Variants in SLC49A4 observed in about 807,000 individuals in gnomAD.
SLC49A4 encodes disrupted in renal cancer protein 2.
SLC49A4 carries 36 observed loss-of-function variants against 50.6 expected under a neutral mutation model. The ratio of observed to expected loss-of-function variants is 0.71; its 90% CI spans 0.55 to 0.94. SLC49A4 has a LOEUF of 0.94. Ranked by LOEUF, SLC49A4 falls within the 40% of genes least tolerant of loss-of-function variation. The pLI, the probability that SLC49A4 is intolerant of heterozygous loss-of-function variation, is 0.00. For synonymous variants in SLC49A4, 248 were observed against 241.2 expected, an observed-to-expected ratio of 1.03 and a Z score of -0.26; for missense variants, 503 against 605.7, an observed-to-expected ratio of 0.83 and a Z score of 1.78.
At chr3:122,804,051 T>C (rs555205073) in intron 1 of SLC49A4, among the ~76,000 whole-genome samples, 2 of 152,224 alleles carry the variant, frequency 1.3e-5, no homozygotes, top group Non-Finnish European at 2.9e-5. Context: ...GGCTGGGTAA[T>C]GTGTAAAGAA....
In SLC49A4 at chr3:122,795,158, G is replaced by A; in HGVS notation, c.-35G>A. The A allele has an allele frequency of 3.0e-6, 4 of 1,311,532 alleles. No individual in the cohort carries two copies. Among genetic ancestry groups the A allele is most frequent in the Non-Finnish European group, 3.8e-6 (4 of 1,039,402 alleles). 81.2% of individuals were successfully genotyped at this position (1,311,532 alleles called of 1,614,324 possible). On this transcript the variant is annotated 5_prime_UTR_variant, in exon 1 of 9. Coordinates refer to ENST00000261038, the MANE Select transcript of SLC49A4 (RefSeq NM_032839.3). Reference sequence around the variant, plus strand: ...GGGCTAGTCGGCGGTGACCCGGACTGCGCCCGGCAGTGGCTTCGCGGGCGA... The same window carrying A: ...GGGCTAGTCGGCGGTGACCCGGACTACGCCCGGCAGTGGCTTCGCGGGCGA...
Position 122,879,728 on chromosome 3 carries a change from G to T in SLC49A4, c.*350G>T, listed in dbSNP as rs1937309993. 1 of 167,804 alleles carries T rather than the reference G, an allele frequency of 6.0e-6. No homozygotes were observed. The highest frequency in any genetic ancestry group is 1.8e-4 in the South Asian group (1 of 5,640). The allele number at this position is 167,804 out of a possible 1,614,324, so 10.4% of individuals were successfully genotyped here. On this transcript the variant is annotated 3_prime_UTR_variant, in exon 9 of 9. Coordinates refer to ENST00000261038, the MANE Select transcript of SLC49A4 (RefSeq NM_032839.3). Reference sequence around the variant, plus strand: ...TTGTAATTATGAAAAGAAATAAAGGGTGTCTATCATATGAAGATAACGCCT... The same window carrying T: ...TTGTAATTATGAAAAGAAATAAAGGTTGTCTATCATATGAAGATAACGCCT...
At chr3:122,828,621 C>T (rs1255585711) in intron 3 of SLC49A4, among the ~76,000 whole-genome samples, 1 of 152,088 alleles carries the variant, frequency 6.6e-6, no homozygotes, top group Non-Finnish European at 1.5e-5. Flanking sequence ...AGGCAAAGGC[C>T]ACACTCTGAA....
chr3:122,870,017 C>T lies in SLC49A4; in HGVS notation c.1139-2398C>T, dbSNP rs1937177940. 2.0e-5 allele frequency among the ~76,000 whole-genome samples: 3 copies of T among 151,992 alleles called. No individual in the cohort carries two copies. The South Asian group carries it at 6.2e-4, about 32-fold the overall frequency. On this transcript the variant is annotated intron_variant, in intron 7 of 8. Transcript: ENST00000261038. ...CCCTTTCAGTGTGTTATTATATTTT[C>T]ATTATTTTATCACATAGAATTATTC...
intron 8 of SLC49A4, among the ~76,000 whole-genome samples, chr3:122,874,327 G>A (rs1560244734): frequency 6.6e-6 from 1 of 152,176 alleles, no homozygotes; most frequent in Non-Finnish European, 1.5e-5. Flanking sequence ...TGGAACCGAC[G>A]TCAGTCAGTG....
chr3:122,817,286 CAG>C (rs1936382525), intron 2 of SLC49A4, among the ~76,000 whole-genome samples: 3 of 152,094 alleles, frequency 2.0e-5, no homozygotes, highest in South Asian at 4.2e-4. Context: ...CCTTTGAAAA[CAG>C]AGGAAGAGGG....
chr3:122,795,092 C>T lies in SLC49A4; in HGVS notation c.-101C>T, dbSNP rs1935988423. 8.3e-7 allele frequency: 1 copy of T among 1,207,180 alleles called. No homozygotes were observed. The highest frequency in any genetic ancestry group is 1.0e-6 in the Non-Finnish European group (1 of 967,626). 74.8% of individuals were successfully genotyped at this position (1,207,180 alleles called of 1,614,324 possible). On this transcript the variant is annotated 5_prime_UTR_variant, in exon 1 of 9. Coordinates refer to ENST00000261038, the MANE Select transcript of SLC49A4 (RefSeq NM_032839.3). ...GCGGTCCGGAGGCCGAGGGCGACCA[C>T]AGCAGCCTCCGCCTCCTGCTGCTCA... is the stretch of plus-strand genomic sequence containing the variant.
intron 8 of SLC49A4, among the ~76,000 whole-genome samples, chr3:122,876,711 G>A (rs1411460136): frequency 6.6e-6 from 1 of 152,200 alleles, no homozygotes; most frequent in East Asian, 1.9e-4. Context: ...GAAACCGAAA[G>A]CGTGACTCCA....
intron 5 of SLC49A4, among the ~76,000 whole-genome samples, chr3:122,855,018 G>A (rs1199494960): frequency 2.6e-5 from 4 of 151,962 alleles, no homozygotes; most frequent in East Asian, 1.9e-4. Flanking sequence ...GTGTAAACCC[G>A]GGAGGCGGAG....
At chr3:122,801,344 A>G (rs1936125143) in intron 1 of SLC49A4, among the ~76,000 whole-genome samples, 1 of 152,156 alleles carries the variant, frequency 6.6e-6, no homozygotes, top group African/African-American at 2.4e-5. Context: ...TAATCCCAGC[A>G]CTTTGGGAGG....
At chr3:122,797,675 A>G (rs1321930060) in intron 1 of SLC49A4, among the ~76,000 whole-genome samples, 3 of 152,282 alleles carry the variant, frequency 2.0e-5, no homozygotes, top group East Asian at 1.9e-4. Context: ...CTTTTAAACT[A>G]AATATTGATT....
intron 2 of SLC49A4, among the ~76,000 whole-genome samples, chr3:122,818,690 T>C (rs1482134381): frequency 6.6e-6 from 1 of 152,114 alleles, no homozygotes; most frequent in Non-Finnish European, 1.5e-5. Context: ...ACACTTGTAA[T>C]CCCAGCACTT....
At chr3:122,803,767 T>G (rs534745992) in intron 1 of SLC49A4, among the ~76,000 whole-genome samples, 5 of 152,344 alleles carry the variant, frequency 3.3e-5, no homozygotes, top group Admixed American at 6.5e-5. Flanking sequence ...AGACATCTGC[T>G]GTGGAGATTT....
intron 2 of SLC49A4, among the ~76,000 whole-genome samples, chr3:122,809,471 CA>C (rs1315052292): frequency 1.2e-4 from 19 of 152,226 alleles, no homozygotes; most frequent in African/African-American, 4.6e-4. Context: ...CCTGTAATCC[CA>C]GCACTTTGGG....
At chr3:122,832,440 T>C (rs750278120) in intron 3 of SLC49A4, among the ~76,000 whole-genome samples, 33 of 152,210 alleles carry the variant, frequency 2.2e-4, no homozygotes, top group Non-Finnish European at 4.9e-4. Context: ...CTACATTAGC[T>C]AGTCTTGTGT....
intron 8 of SLC49A4, among the ~76,000 whole-genome samples, chr3:122,873,589 TTAATA>T: frequency 6.6e-6 from 1 of 152,340 alleles, no homozygotes; most frequent in Non-Finnish European, 1.5e-5. Flanking sequence ...GATGAATTTC[TTAATA>T]TAATGAACAG....
chr3:122,843,339 AC>A (rs1414972109), intron 4 of SLC49A4, among the ~76,000 whole-genome samples: 1 of 152,112 alleles, frequency 6.6e-6, no homozygotes, highest in East Asian at 1.9e-4. Flanking sequence ...TTATCTTTGT[AC>A]CACCCACTTC....
intron 7 of SLC49A4, 101 bp downstream of exon 7, chr3:122,860,303 G>A: frequency 8.4e-7 from 1 of 1,193,246 alleles, no homozygotes; most frequent in Non-Finnish European, 1.1e-6. Context: ...GTAAGTAATT[G>A]TTAAATATAC....
intron 1 of SLC49A4, among the ~76,000 whole-genome samples, chr3:122,797,976 G>A (rs1384684917): frequency 6.6e-6 from 1 of 152,146 alleles, no homozygotes; most frequent in African/African-American, 2.4e-5. Flanking sequence ...ATGAGACCCT[G>A]TCTCAAAACA....
Sources: allele counts gnomAD v4.1 joint callset (sites outside exome capture counted in the v4.1 genomes callset), GRCh38; gene constraint gnomAD v4.1.1; transcripts MANE v1.5; gene names NCBI Gene and HGNC (gene_info 2026-07-23, HGNC 2026-07-21).